Variants in PKN2 observed in about 807,000 individuals in gnomAD.
PKN2 encodes protein kinase N2.
PKN2 carries 38 observed loss-of-function variants against 119.1 expected under a neutral mutation model. The ratio of observed to expected loss-of-function variants is 0.32; its 90% CI spans 0.25 to 0.42. PKN2 has a LOEUF of 0.42. Ranked by LOEUF, PKN2 falls within the 10% of genes least tolerant of loss-of-function variation. PKN2 has a pLI of 1.00. For missense variants in PKN2, 850 were observed against 1,165.1 expected, an observed-to-expected ratio of 0.73 and a Z score of 3.94; for synonymous variants, 390 against 384.9, an observed-to-expected ratio of 1.01 and a Z score of -0.15.
chr1:88,751,086 T>C (rs183196287), intron 2 of PKN2, among the ~76,000 whole-genome samples: 5 of 152,302 alleles, frequency 3.3e-5, no homozygotes, highest in South Asian at 2.1e-4. Flanking sequence ...CATCTGCCTC[T>C]ATTATTTCAA....
At chr1:88,743,303 A>G (rs941677597) in intron 2 of PKN2, among the ~76,000 whole-genome samples, 1 of 152,180 alleles carries the variant, frequency 6.6e-6, no homozygotes, top group South Asian at 2.1e-4. Flanking sequence ...AACCATCTCT[A>G]CAATCGATCT....
At chr1:88,740,727 G>A (rs761774060) in intron 1 of PKN2, among the ~76,000 whole-genome samples, 14 of 152,106 alleles carry the variant, frequency 9.2e-5, no homozygotes, top group Non-Finnish European at 1.6e-4. Flanking sequence ...GCCTTTGTGT[G>A]TAGATGTGTT....
chr1:88,824,263 T>G, intron 17 of PKN2, 47 bp from the exon 18 acceptor site: 1 of 975,324 alleles, frequency 1.0e-6, no homozygotes, highest in Non-Finnish European at 1.6e-6. Flanking sequence ...AACCTACTGA[T>G]TTCTTTGATT....
chr1:88,698,352 AACGATG>A (rs761227912), intron 1 of PKN2, among the ~76,000 whole-genome samples: 1 of 152,192 alleles, frequency 6.6e-6, no homozygotes, highest in Non-Finnish European at 1.5e-5. Flanking sequence ...CTGTACAATG[AACGATG>A]ACTCATGCAT....
intron 1 of PKN2, among the ~76,000 whole-genome samples, chr1:88,715,704 C>G (rs1349924691): frequency 6.6e-6 from 1 of 152,078 alleles, no homozygotes; most frequent in African/African-American, 2.4e-5. Context: ...ATTAGTCTTG[C>G]TAGCGGTCCA....
intron 1 of PKN2, among the ~76,000 whole-genome samples, chr1:88,735,553 A>C (rs1668304251): frequency 7.4e-6 from 1 of 135,898 alleles, no homozygotes; most frequent in Non-Finnish European, 1.6e-5. Flanking sequence ...TCTCTGCTTT[A>C]TTTCTAAAGG....
At chr1:88,829,544 T>C (rs1672650560) in intron 19 of PKN2, 1 of 162,556 alleles carries the variant, frequency 6.2e-6, no homozygotes, top group South Asian at 1.7e-4. Context: ...AATTGAGTTG[T>C]ACATAGAAAT....
intron 11 of PKN2, 80 bp from the exon 12 acceptor site, chr1:88,805,811 A>C: frequency 1.2e-6 from 2 of 1,608,002 alleles, no homozygotes; most frequent in Non-Finnish European, 1.7e-6. Flanking sequence ...TAAAAAGTAA[A>C]TTGTTTGCTT....
At position 88,771,729 on chromosome 1, in the gene PKN2, T is replaced by C; in HGVS notation, c.835T>C (p.Leu279=). 6.2e-7 allele frequency: 1 copy of C among 1,614,010 alleles called. No individual in the cohort carries two copies. The highest frequency in any genetic ancestry group is 8.5e-7 in the Non-Finnish European group (1 of 1,179,930). ...TTTAAAGTATTCATTAGAGCAAAGA[T>C]TAAACGAAGTCCCCAAGAATCATCC... The part of the protein sequence containing the change: ...DLLKYSLEQR[L]NEVPKNHPKS... The change falls in exon 6 of 22, where the codon TTA becomes CTA. Residue 279 remains leucine, a synonymous_variant. Coordinates refer to ENST00000370521, the MANE Select transcript of PKN2 (RefSeq NM_006256.4).
chr1:88,806,594 G>GA (rs1408621506), intron 12 of PKN2, among the ~76,000 whole-genome samples: 3 of 152,194 alleles, frequency 2.0e-5, no homozygotes, highest in African/African-American at 7.2e-5. Context: ...AGAAGAGATA[G>GA]AATAGGCTGC....
chr1:88,742,610 TTA>T lies in PKN2; in HGVS notation c.349+1324_349+1325del, dbSNP rs1457191960. ...TCTAGTATTCTTACACACTCTATAA[TTA>T]TGTTATAAATGGAAATAATGTATTA... On this transcript the variant is annotated intron_variant, in intron 2 of 21. Transcript: ENST00000370521. 2.6e-5 allele frequency among the ~76,000 whole-genome samples: 4 copies of T among 152,116 alleles called. No individual in the cohort carries two copies. In the East Asian group the frequency reaches 7.7e-4, roughly 29 times the overall value.
chr1:88,737,765 C>T (rs1453811175), intron 1 of PKN2, among the ~76,000 whole-genome samples: 6 of 152,174 alleles, frequency 3.9e-5, no homozygotes, highest in Non-Finnish European at 8.8e-5. Context: ...CAGTGCTGAG[C>T]TACAAGTCAA....
At chr1:88,785,997 T>A (rs965600705) in intron 7 of PKN2, 107 bp from the exon 8 acceptor site, 4 of 624,018 alleles carry the variant, frequency 6.4e-6, no homozygotes, top group Admixed American at 6.3e-5. Flanking sequence ...TATGAAAAAC[T>A]TTATTTTCAA....
chr1:88,745,481 T>C (rs1668735623), intron 2 of PKN2, among the ~76,000 whole-genome samples: 1 of 152,230 alleles, frequency 6.6e-6, no homozygotes, highest in East Asian at 1.9e-4. Flanking sequence ...CTATATAATA[T>C]CTGAATAAAA....
chr1:88,770,584 T>A, intron 4 of PKN2, 115 bp downstream of exon 4: 1 of 627,382 alleles, frequency 1.6e-6, no homozygotes, highest in Non-Finnish European at 2.8e-6. Flanking sequence ...TTACTTTTTT[T>A]TTTTTTTCTT....
chr1:88,808,740 CAGAA>C (rs1241964741), intron 15 of PKN2, among the ~76,000 whole-genome samples: 2 of 152,120 alleles, frequency 1.3e-5, no homozygotes, highest in Admixed American at 6.6e-5. Context: ...ATATTTATCA[CAGAA>C]AGAGGCTTTC....
intron 8 of PKN2, among the ~76,000 whole-genome samples, chr1:88,787,242 A>G (rs935845725): frequency 2.0e-5 from 3 of 152,106 alleles, no homozygotes; most frequent in Non-Finnish European, 4.4e-5. Context: ...ACCTGGTTGA[A>G]TGTCATTTCC....
intron 8 of PKN2, among the ~76,000 whole-genome samples, chr1:88,799,633 C>T (rs1296934823): frequency 1.3e-5 from 2 of 152,218 alleles, no homozygotes; most frequent in African/African-American, 2.4e-5. Flanking sequence ...CTTTTCACAA[C>T]AGCATTCATC....
chr1:88,752,488 G>T (rs975015038), intron 2 of PKN2, among the ~76,000 whole-genome samples: 1 of 151,886 alleles, frequency 6.6e-6, no homozygotes, highest in Non-Finnish European at 1.5e-5. Flanking sequence ...ATTTGTAATT[G>T]TGCTGGAACT....
Sources: allele counts gnomAD v4.1 joint callset (sites outside exome capture counted in the v4.1 genomes callset), GRCh38; gene constraint gnomAD v4.1.1; transcripts MANE v1.5; gene names NCBI Gene and HGNC (gene_info 2026-07-23, HGNC 2026-07-21).